The following TMPRSS9 variants were observed in gnomAD, a reference collection of about 807,000 sequenced individuals.
TMPRSS9 encodes the protein transmembrane serine protease 9.
A neutral mutation model predicts 111.4 loss-of-function variants in TMPRSS9; 113 were observed. The observed-to-expected ratio is 1.01, with a 90% CI of 0.87 to 1.19. The LOEUF is 1.19. Among genes scored for constraint, TMPRSS9 ranks in the 50% most tolerant of loss-of-function variants. The pLI, the probability that TMPRSS9 is intolerant of heterozygous loss-of-function variation, is 0.00. For synonymous variants in TMPRSS9, 805 were observed against 659.1 expected (o/e 1.22, Z -3.39); for missense variants, 1,803 against 1,513.1 (o/e 1.19, Z -3.18).
chr19:2,424,277 A>T lies in TMPRSS9; in HGVS notation c.2717+20A>T, dbSNP rs577532890. On this transcript the variant is annotated intron_variant, in intron 15 of 17. Transcript: ENST00000648592. The stretch of plus-strand genomic sequence containing the variant: ...CGACGTGTGAGTTCCAAACGCTCCA[A>T]ATGCCCCTACATGTCTCTGTAGCTC... The T allele has an allele frequency of 1.6e-4, 221 of 1,343,850 alleles. No homozygotes were observed. The highest frequency in any genetic ancestry group is 1.9e-4 in the Non-Finnish European group (199 of 1,037,352). 83.2% of individuals were successfully genotyped at this position (1,343,850 alleles called of 1,614,324 possible). A position where few individuals can be genotyped will look rare whatever the true frequency, so the allele number is the denominator to read the frequency against.
chr19:2,425,697 C>A, intron 17 of TMPRSS9: 1 of 1,221,036 alleles, frequency 8.2e-7, no homozygotes, highest in Non-Finnish European at 1.1e-6. Flanking sequence ...ATCCCCGGGC[C>A]TCGGCGGCAG....
chr19:2,387,293 G>C (rs1418094025), upstream of TMPRSS9, among the ~76,000 whole-genome samples: 2 of 151,928 alleles, frequency 1.3e-5, no homozygotes, highest in Non-Finnish European at 2.9e-5. Context: ...TCAGGAGTTC[G>C]AGACCAGCCT....
intron 4 of TMPRSS9, among the ~76,000 whole-genome samples, chr19:2,400,551 T>A (rs966166721): frequency 1.4e-5 from 2 of 143,868 alleles, no homozygotes; most frequent in Middle Eastern, 3.6e-3. Context: ...CAAAAAAAAA[T>A]TAATAAAAAT....
chr19:2,380,783 G>T (rs1970379687), intron 1 of TMPRSS9, among the ~76,000 whole-genome samples: 1 of 152,064 alleles, frequency 6.6e-6, no homozygotes, highest in Non-Finnish European at 1.5e-5. Context: ...TGCTAAGTTT[G>T]TGCTGATTTG....
chr19:2,411,569 T>G (rs1430403169), intron 9 of TMPRSS9, among the ~76,000 whole-genome samples: 5 of 149,042 alleles, frequency 3.4e-5, no homozygotes. Flanking sequence ...AGCTAATTTT[T>G]GTATTTTTAA....
In TMPRSS9 at chr19:2,389,947, G is replaced by A. The variant is rs189047801; in HGVS notation, c.142+20G>A. 4.8e-4 allele frequency: 766 copies of A among 1,597,618 alleles called. 6 individuals carry two copies. In the African/African-American group the frequency reaches 8.4e-3, roughly 17 times the overall value. ...TTTTGGGTAAGTGGCTATGGGATTGGCTGGGTTCGCAATACAAGGGACATG... is the reference window on the plus strand; with the variant it reads ...TTTTGGGTAAGTGGCTATGGGATTGACTGGGTTCGCAATACAAGGGACATG... On this transcript the variant is annotated intron_variant, in intron 1 of 17. Transcript: ENST00000648592.
In TMPRSS9 at chr19:2,423,665, T is replaced by C. The variant is rs145672592; in HGVS notation, c.2549-424T>C. On this transcript the variant is annotated intron_variant, in intron 14 of 17. Transcript: ENST00000648592. ...CACAGCTGGGTTCTGAGGAAGGCCTTTGCGCTTGGCACCGTCTGGGGAGGG... is the reference window on the plus strand; with the variant it reads ...CACAGCTGGGTTCTGAGGAAGGCCTCTGCGCTTGGCACCGTCTGGGGAGGG... Among the ~76,000 whole-genome samples, 8 of 152,138 alleles carry C rather than the reference T, an allele frequency of 5.3e-5. No homozygotes were observed. The East Asian group carries it at 1.2e-3, about 22-fold the overall frequency.
chr19:2,376,186 C>G (rs150047810), intron 1 of TMPRSS9, among the ~76,000 whole-genome samples: 4 of 152,104 alleles, frequency 2.6e-5, no homozygotes, highest in East Asian at 3.9e-4. Context: ...ATCCCTTGCT[C>G]GGGGCCCCTT....
At chr19:2,419,378 A>G (rs929138872) in intron 13 of TMPRSS9, among the ~76,000 whole-genome samples, 5 of 149,954 alleles carry the variant, frequency 3.3e-5, no homozygotes, top group African/African-American at 1.2e-4. Flanking sequence ...TAATTTTTGT[A>G]TTTTTAGTAG....
At position 2,410,359 on chromosome 19, in the gene TMPRSS9, G is replaced by T. The variant is rs202191315; in HGVS notation, c.1219G>T (p.Ala407Ser). 84 of 1,613,998 alleles carry T rather than the reference G, an allele frequency of 5.2e-5. No homozygotes were observed. In the East Asian group the frequency reaches 1.1e-3, roughly 21 times the overall value. ...TTCACTCACTGACAGGATGGTGTGC[G>T]CTGGCTACCTGGACGGGAAGGTGGA... Residue 407 changes from alanine (A) to serine (S), a missense_variant, in exon 9 of 18, where the codon GCT (alanine) becomes TCT (serine). Ala to Ser is a moderately conservative substitution (Grantham distance 99). Coordinates refer to ENST00000648592, the Ensembl canonical transcript of TMPRSS9.
At position 2,390,433 on chromosome 19, in the gene TMPRSS9, C is replaced by T. The variant is rs188097408; in HGVS notation, c.142+506C>T. 2.9e-3 allele frequency among the ~76,000 whole-genome samples: 433 copies of T among 149,230 alleles called. 3 individuals carry two copies. Among genetic ancestry groups the T allele is most frequent in the African/African-American group, 9.9e-3 (409 of 41,172 alleles). On this transcript the variant is annotated intron_variant, in intron 1 of 17. Transcript: ENST00000648592. ...TAATTTTTTGTATTTTTAGTAGAGA[C>T]GGGGTTTCACCGTGTTAGCCAGGAT...
At position 2,410,212 on chromosome 19, in the gene TMPRSS9, A is replaced by G. The variant is rs1203631443; in HGVS notation, c.1118-46A>G. On this transcript the variant is annotated intron_variant, in intron 8 of 17. Transcript: ENST00000648592. Reference sequence around the variant, plus strand: ...AGCCTCCCAGCTCAAAGTGGCTGCCAGGGCTCCGGCACTCTCACCCTGCTT... The same window carrying G: ...AGCCTCCCAGCTCAAAGTGGCTGCCGGGGCTCCGGCACTCTCACCCTGCTT... The G allele has an allele frequency of 3.1e-6, 5 of 1,605,620 alleles. No individual in the cohort carries two copies. In the Admixed American group the frequency reaches 8.4e-5, roughly 27 times the overall value.
chr19:2,422,757 A>G (rs537726818), intron 14 of TMPRSS9, among the ~76,000 whole-genome samples: 26 of 152,200 alleles, frequency 1.7e-4, no homozygotes, highest in African/African-American at 6.0e-4. Flanking sequence ...GCATGGTGAC[A>G]GGTGCCTGTA....
At position 2,418,254 on chromosome 19, in the gene TMPRSS9, C is replaced by CCTTCCCTCCTGTTT. The variant is rs145501466; in HGVS notation, c.2154+126_2154+127insGTTTCTTCCCTCCT. On this transcript the variant is annotated intron_variant, in intron 13 of 17. Coordinates refer to ENST00000648592, the Ensembl canonical transcript of TMPRSS9. ...TTTTCCTTTCTTTCCTTCCCCCCCT[C>CCTTCCCTCCTGTTT]CTTCCCTCCTTGTCCTTCCCTCCTT... 1.7e-3 allele frequency: 1,720 copies of CCTTCCCTCCTGTTT among 1,024,126 alleles called. 134 individuals are homozygous for CCTTCCCTCCTGTTT. In the African/African-American group the frequency reaches 0.022, roughly 13 times the overall value. 63.4% of individuals were successfully genotyped at this position (1,024,126 alleles called of 1,614,324 possible).
intron 1 of TMPRSS9, among the ~76,000 whole-genome samples, chr19:2,374,659 G>T (rs1170349741): frequency 6.6e-6 from 1 of 152,160 alleles, no homozygotes; most frequent in South Asian, 2.1e-4. Flanking sequence ...CGTTGCTCTG[G>T]TTGTCTCTGG....
chr19:2,405,545 A>G, exon 7 of TMPRSS9: 1 of 1,555,394 alleles, frequency 6.4e-7, no homozygotes, highest in East Asian at 2.5e-5. Flanking sequence ...TGCTTCAATG[A>G]GTAAGCCCCC....
exon 16 of TMPRSS9, chr19:2,425,119 G>T: frequency 1.9e-6 from 3 of 1,582,832 alleles, no homozygotes; most frequent in Non-Finnish European, 1.7e-6. Context: ...ATCTCTACAC[G>T]CTCGACTACG....
At chr19:2,364,400 C>T (rs975858280) in intron 1 of TMPRSS9, among the ~76,000 whole-genome samples, 4 of 152,040 alleles carry the variant, frequency 2.6e-5, no homozygotes, top group African/African-American at 9.7e-5. Flanking sequence ...CTCATAACTG[C>T]ATAAGGCTTC....
chr19:2,365,184 T>C (rs1970239022), intron 1 of TMPRSS9, among the ~76,000 whole-genome samples: 1 of 152,116 alleles, frequency 6.6e-6, no homozygotes, highest in Non-Finnish European at 1.5e-5. Flanking sequence ...ATCACTCATG[T>C]TTATCGGCGT....
Sources: allele counts gnomAD v4.1 joint callset (sites outside exome capture counted in the v4.1 genomes callset), GRCh38; gene constraint gnomAD v4.1.1; transcripts MANE v1.5; gene names NCBI Gene and HGNC (gene_info 2026-07-23, HGNC 2026-07-21).